Variants in SUCLA2 observed in about 807,000 individuals in gnomAD.
SUCLA2 encodes the protein succinate--CoA ligase [ADP-forming] subunit beta, mitochondrial.
Under a neutral mutation model 54.8 loss-of-function variants are expected in SUCLA2, and 30 were observed. That is an observed-to-expected ratio of 0.55 (90% CI 0.41 to 0.74). SUCLA2 has a LOEUF of 0.74. Ranked by LOEUF, SUCLA2 falls within the 30% of genes least tolerant of loss-of-function variation. SUCLA2 has a pLI of 0.00. For missense variants in SUCLA2, 476 were observed against 562.9 expected (o/e 0.85, Z 1.56); for synonymous variants, 172 against 188.9 (o/e 0.91, Z 0.74).
At chr13:47,974,869 G>A (rs1293859365) in intron 4 of SUCLA2, among the ~76,000 whole-genome samples, 4 of 152,090 alleles carry the variant, frequency 2.6e-5, no homozygotes, top group Admixed American at 6.5e-5. Context: ...AGTGGGTAAT[G>A]TAGTGTATGT....
intron 5 of SUCLA2, among the ~76,000 whole-genome samples, chr13:47,970,663 C>A (rs141030164): frequency 1.1e-4 from 16 of 152,042 alleles, no homozygotes; most frequent in Non-Finnish European, 2.4e-4. Context: ...AGTTTGAGAC[C>A]AGCCTGGCCA....
At chr13:47,982,766 AT>A (rs1410919477) in intron 4 of SUCLA2, among the ~76,000 whole-genome samples, 8 of 152,064 alleles carry the variant, frequency 5.3e-5, no homozygotes, top group Non-Finnish European at 1.0e-4. Context: ...GGTTGGCAAT[AT>A]TCTGCATACT....
At chr13:47,998,352 T>C (rs1249672475) in intron 1 of SUCLA2, among the ~76,000 whole-genome samples, 1 of 150,586 alleles carries the variant, frequency 6.6e-6, no homozygotes, top group African/African-American at 2.4e-5. Flanking sequence ...TACTGTTTAG[T>C]ATACCTCCAC....
intron 4 of SUCLA2, among the ~76,000 whole-genome samples, chr13:47,986,365 T>G (rs999668081): frequency 1.3e-5 from 2 of 152,158 alleles, no homozygotes; most frequent in African/African-American, 4.8e-5. Flanking sequence ...GTTCATGTAC[T>G]TTGCCCCCTT....
chr13:47,969,069 T>C (rs908452605), intron 5 of SUCLA2, among the ~76,000 whole-genome samples: 2 of 152,154 alleles, frequency 1.3e-5, no homozygotes, highest in African/African-American at 4.8e-5. Context: ...TTATATTTTA[T>C]TAAAACTATA....
intron 4 of SUCLA2, among the ~76,000 whole-genome samples, chr13:47,978,764 A>G (rs894680208): frequency 2.0e-5 from 3 of 152,186 alleles, no homozygotes; most frequent in Non-Finnish European, 4.4e-5. Context: ...TTTGCAATCT[A>G]TACATCTGAC....
At chr13:47,976,150 G>A (rs1342513376) in intron 4 of SUCLA2, among the ~76,000 whole-genome samples, 2 of 152,152 alleles carry the variant, frequency 1.3e-5, no homozygotes, top group East Asian at 3.9e-4. Flanking sequence ...TGAAAACTCT[G>A]GACACCAAGG....
At chr13:47,976,433 A>G (rs1286063853) in intron 4 of SUCLA2, among the ~76,000 whole-genome samples, 5 of 152,190 alleles carry the variant, frequency 3.3e-5, no homozygotes, top group African/African-American at 1.2e-4. Context: ...GAGAAAGAGA[A>G]GAGTAGAACA....
At chr13:47,953,223 C>T (rs1167384085) in intron 8 of SUCLA2, among the ~76,000 whole-genome samples, 2 of 152,090 alleles carry the variant, frequency 1.3e-5, no homozygotes, top group Admixed American at 1.3e-4. Flanking sequence ...ATACTTTTCT[C>T]CATTCTTGCA....
At chr13:47,965,550 A>T in intron 6 of SUCLA2, 1 of 398,086 alleles carries the variant, frequency 2.5e-6, no homozygotes, top group Non-Finnish European at 4.4e-6. Context: ...AGGAACAACA[A>T]AAAATAAGGT....
chr13:48,001,246 G>C lies in SUCLA2; in HGVS notation c.24C>G (p.Gly8=). The C allele has an allele frequency of 1.2e-6, 2 of 1,605,794 alleles. No homozygotes were observed. Among genetic ancestry groups the C allele is most frequent in the Non-Finnish European group, 1.7e-6 (2 of 1,176,946 alleles). MAASMFY[G]RLVAVATLRN... Reference sequence around the variant, plus strand: ...GAAGGGTGGCCACGGCCACTAGCCTGCCGTAGAACATGGAGGCCGCCATTT... The same window carrying C: ...GAAGGGTGGCCACGGCCACTAGCCTCCCGTAGAACATGGAGGCCGCCATTT... The change falls in exon 1 of 11, where the codon GGC becomes GGG. Residue 8 remains glycine (G), a synonymous_variant. Transcript: ENST00000646932.
At position 47,943,429 on chromosome 13, in the gene SUCLA2, T is replaced by G; in HGVS notation, c.1334A>C (p.Glu445Ala). 6.2e-7 allele frequency: 1 copy of G among 1,613,924 alleles called. No homozygotes were observed. The highest frequency in any genetic ancestry group is 1.1e-5 in the South Asian group (1 of 91,076). Residue 445 changes from glutamate (E) to alanine (A), a missense_variant, in exon 11 of 11, where the codon GAA becomes GCA. This residue lies in a region of SUCLA2 where 342 missense variants were observed against 444.2 expected (regional missense o/e 0.77). Transcript: ENST00000646932. ...TGCTTGCTTCGCTAAGGTCACTATT[T>G]CAGAGAGCTTTACAACCTAAAAGAA... ...EAARMVVKLS[E>A]IVTLAKQAHV...
At position 47,988,881 on chromosome 13, in the gene SUCLA2, C is replaced by G. The variant is rs985896883; in HGVS notation, c.371+1G>C. The G allele has an allele frequency of 6.2e-6, 10 of 1,612,052 alleles. No individual in the cohort carries two copies. The highest frequency in any genetic ancestry group is 8.5e-6 in the Non-Finnish European group (10 of 1,179,758). ...ATTTTTCCTTAAAAAATGTGACTTA[C>G]GAGAAAACTATCTTCACTCCTCCTT... On this transcript the variant is annotated splice_donor_variant, in intron 3 of 10. Transcript: ENST00000646932. LOFTEE classifies it high-confidence loss of function.
intron 6 of SUCLA2, among the ~76,000 whole-genome samples, chr13:47,965,287 C>A (rs1338638459): frequency 4.6e-5 from 7 of 151,300 alleles, no homozygotes; most frequent in African/African-American, 1.2e-4. Flanking sequence ...GTAATTACAA[C>A]GGGAAAAACT....
intron 10 of SUCLA2, among the ~76,000 whole-genome samples, chr13:47,948,566 TCTTG>T (rs1418395904): frequency 6.6e-6 from 1 of 152,146 alleles, no homozygotes; most frequent in Non-Finnish European, 1.5e-5. Context: ...TTACCAAGAA[TCTTG>T]CTTAAGTCAG....
chr13:47,993,100 G>A (rs1027999293), intron 2 of SUCLA2, among the ~76,000 whole-genome samples: 1 of 152,100 alleles, frequency 6.6e-6, no homozygotes, highest in African/African-American at 2.4e-5. Context: ...GCATGGTGGA[G>A]CACACCTATA....
chr13:47,964,915 CTGAA>C (rs1949905600), intron 6 of SUCLA2, among the ~76,000 whole-genome samples: 1 of 151,564 alleles, frequency 6.6e-6, no homozygotes, highest in African/African-American at 2.4e-5. Flanking sequence ...TAACAACCTC[CTGAA>C]AGTCTGTATT....
chr13:47,988,331 C>A, intron 4 of SUCLA2: 2 of 552,042 alleles, frequency 3.6e-6, no homozygotes, highest in Non-Finnish European at 6.1e-6. Flanking sequence ...AGAATTTTTC[C>A]TATAATTTTA....
chr13:47,980,737 AAC>A (rs1422576476), intron 4 of SUCLA2, among the ~76,000 whole-genome samples: 2 of 152,206 alleles, frequency 1.3e-5, no homozygotes, highest in African/African-American at 2.4e-5. Flanking sequence ...TGCATAAAAA[AAC>A]AGACATATAG....
Sources: gnomAD v4.1 joint callset for allele counts (sites outside exome capture counted in the v4.1 genomes callset) on GRCh38, gnomAD v4.1.1 for gene constraint, gnomAD v4.1.1 regional missense constraint, MANE v1.5 for transcripts, NCBI Gene and HGNC (gene_info 2026-07-23, HGNC 2026-07-21) for gene names.